DAW1: variants seen among roughly 807,000 people sequenced by gnomAD.
DAW1 encodes dynein assembly factor with WD repeat domains 1.
DAW1 carries 47 observed loss-of-function variants against 56.5 expected under a neutral mutation model. That is an observed-to-expected ratio of 0.83 (90% CI 0.66 to 1.06). DAW1 has a LOEUF of 1.06. DAW1 is among the 50% of genes least tolerant of loss of function. The probability of loss-of-function intolerance (pLI) is 0.00; values close to 1 mark genes in which losing one functional copy is unlikely to be tolerated. For synonymous variants in DAW1, 190 were observed against 179.0 expected, an observed-to-expected ratio of 1.06 and a Z score of -0.49; for missense variants, 505 against 499.3, an observed-to-expected ratio of 1.01 and a Z score of -0.11.
chr2:227,922,945 C>G (rs1721347), intron 12 of DAW1, among the ~76,000 whole-genome samples: 30,118 of 152,124 alleles, frequency 0.2, 3,245 homozygotes, highest in Middle Eastern at 0.32. Context: ...GAAGACCAGC[C>G]TTTCCTAGTC....
intron 3 of DAW1, 22 bp downstream of exon 3, chr2:227,890,022 A>G (rs1431545216): frequency 1.3e-6 from 2 of 1,496,070 alleles, no homozygotes; most frequent in East Asian, 2.5e-5. Context: ...AAAAACAATC[A>G]GATAGAAGAA....
Position 227,871,665 on chromosome 2 carries a change from C to G in DAW1, c.-25C>G, listed in dbSNP as rs1242636195. 1.2e-6 allele frequency: 2 copies of G among 1,611,754 alleles called. No homozygotes were observed. The highest frequency in any genetic ancestry group is 2.2e-5 in the East Asian group (1 of 44,836). Reference sequence around the variant, plus strand: ...CCGTTTCCAAGGCTACGAAGCCCATCGGCCGGGGATAAGAGAGCAAGAAAA... The same window carrying G: ...CCGTTTCCAAGGCTACGAAGCCCATGGGCCGGGGATAAGAGAGCAAGAAAA... On this transcript the variant is annotated 5_prime_UTR_variant, in exon 1 of 13. In the 5' UTR this introduces an upstream ATG that the reference lacks. Transcript: ENST00000309931.
At chr2:227,922,331 G>A (rs866689143) in intron 12 of DAW1, among the ~76,000 whole-genome samples, 10 of 152,140 alleles carry the variant, frequency 6.6e-5, no homozygotes, top group African/African-American at 1.9e-4. Context: ...TTTTTCAACC[G>A]TTAACAGTTT....
Position 227,921,551 on chromosome 2 carries a change from A to C in DAW1, c.1203A>C (p.Ile401=), listed in dbSNP as rs1233226733. Residue 401 remains isoleucine (I), a synonymous_variant, in exon 12 of 13, where the codon ATA becomes ATC. Transcript: ENST00000309931. ...GTGCTTTCAACTATAAAGGCAACATAGTCATTACAGGTATGGAAGACATCA... is the reference window on the plus strand; with the variant it reads ...GTGCTTTCAACTATAAAGGCAACATCGTCATTACAGGTATGGAAGACATCA... ...FSCAFNYKGN[I]VITGSKDNTC... is the part of the protein sequence containing the mutation. 2 of 1,613,722 alleles carry C rather than the reference A, an allele frequency of 1.2e-6. No individual in the cohort carries two copies. The highest frequency in any genetic ancestry group is 1.3e-5 in the African/African-American group (1 of 74,876).
At chr2:227,876,618 G>T (rs937606887) in intron 1 of DAW1, 3 of 670,092 alleles carry the variant, frequency 4.5e-6, no homozygotes, top group African/African-American at 3.8e-5. Context: ...TCTAATTTTC[G>T]CCCTCCCACT....
rs879737040 is a variant in DAW1 at position 227,887,286 on chromosome 2, A to C, written c.113+1863A>C. On this transcript the variant is annotated intron_variant, in intron 2 of 12. Transcript: ENST00000309931. ...CAGAAAAGATGAGGCCTAATATCAA[A>C]CCCAACCTGTGATTTTTGTAAATGG... is the stretch of plus-strand genomic sequence containing the variant. Among the ~76,000 whole-genome samples, 6 of 152,176 alleles carry C rather than the reference A, an allele frequency of 3.9e-5. 1 individual carries two copies. In the East Asian group the frequency reaches 1.2e-3, roughly 29 times the overall value.
At chr2:227,907,366 C>T in intron 10 of DAW1, 114 bp downstream of exon 10, 1 of 778,588 alleles carries the variant, frequency 1.3e-6, no homozygotes, top group Non-Finnish European at 2.0e-6. Flanking sequence ...GATAAAAAAC[C>T]ATGTCTCATC....
intron 5 of DAW1, among the ~76,000 whole-genome samples, chr2:227,896,344 A>G (rs913390737): frequency 2.0e-5 from 3 of 152,310 alleles, no homozygotes; most frequent in South Asian, 2.1e-4. Context: ...TTAATAGTCT[A>G]CTTAACAAAC....
chr2:227,875,379 A>G (rs574717989), intron 1 of DAW1, among the ~76,000 whole-genome samples: 9 of 152,208 alleles, frequency 5.9e-5, no homozygotes, highest in East Asian at 1.9e-4. Context: ...CAGCCCTCCA[A>G]TGACTTCTCA....
Position 227,906,338 on chromosome 2 carries a change from G to C in DAW1, c.858G>C (p.Lys286Asn). The stretch of plus-strand genomic sequence containing the variant: ...CTGGCTCTATGGACAAAACCTGCAA[G>C]GTGAGCAAAATAAATAAATATCTTT... ...ILTGSMDKTC[K>N]LWDATNGKCV... Residue 286 changes from lysine to asparagine, a missense_variant and splice_region_variant, in exon 9 of 13, where the codon AAG becomes AAC. Coordinates refer to ENST00000309931, the MANE Select transcript of DAW1 (RefSeq NM_178821.3). The C allele has an allele frequency of 6.2e-7, 1 of 1,602,712 alleles. No individual in the cohort carries two copies. Among genetic ancestry groups the C allele is most frequent in the South Asian group, 1.1e-5 (1 of 89,620 alleles).
At chr2:227,905,320 T>G (rs1691652808) in intron 8 of DAW1, among the ~76,000 whole-genome samples, 2 of 152,232 alleles carry the variant, frequency 1.3e-5, no homozygotes, top group South Asian at 4.1e-4. Flanking sequence ...TAATCAGATT[T>G]CAATGGCTTG....
At chr2:227,897,748 T>A (rs16825808) in intron 5 of DAW1, among the ~76,000 whole-genome samples, 30,588 of 152,140 alleles carry the variant, frequency 0.2, 3,129 homozygotes, top group East Asian at 0.33. Context: ...TCTCAAAACC[T>A]TATTAACCAT....
chr2:227,917,178 G>GTCTGTCTGTCTA (rs1213835924), intron 10 of DAW1, among the ~76,000 whole-genome samples: 9 of 133,422 alleles, frequency 6.7e-5, no homozygotes, highest in Non-Finnish European at 9.9e-5. Context: ...CTGTCTGTCT[G>GTCTGTCTGTCTA]TCTATCTATG....
At chr2:227,920,657 T>A (rs111226497) in intron 11 of DAW1, among the ~76,000 whole-genome samples, 36 of 151,898 alleles carry the variant, frequency 2.4e-4, no homozygotes, top group African/African-American at 7.2e-4. Context: ...TTTTAAAAAA[T>A]TTTTATTTAT....
At position 227,922,870 on chromosome 2, in the gene DAW1, T is replaced by A. The variant is rs943991992; in HGVS notation, c.1214-1064T>A. 4.6e-5 allele frequency among the ~76,000 whole-genome samples: 7 copies of A among 152,258 alleles called. No individual in the cohort carries two copies. In the East Asian group the frequency reaches 1.2e-3, roughly 25 times the overall value. On this transcript the variant is annotated intron_variant, in intron 12 of 12. Transcript: ENST00000309931. Reference sequence around the variant, plus strand: ...CACAATATCAAATCCTTCTCCTTGATGAGAAAAGAGGTGAGGGGCTATGAT... The same window carrying A: ...CACAATATCAAATCCTTCTCCTTGAAGAGAAAAGAGGTGAGGGGCTATGAT...
rs537177573 is a variant in DAW1 at position 227,918,615 on chromosome 2, CAGGCATTTAG to C, written c.974-162_974-153del. On this transcript the variant is annotated intron_variant, in intron 10 of 12. Transcript: ENST00000309931. Reference sequence around the variant, plus strand: ...TCACCCTCTCCTGCAATGGGACCAGCAGGCATTTAGAGTATTAAGTATCTGGCTCTCAACA... The same window carrying C: ...TCACCCTCTCCTGCAATGGGACCAGCAGTATTAAGTATCTGGCTCTCAACA... Among the ~76,000 whole-genome samples the C allele has an allele frequency of 1.1e-3, 173 of 152,308 alleles. 1 individual carries two copies. The highest frequency in any genetic ancestry group is 3.8e-3 in the African/African-American group (159 of 41,564).
In DAW1 at chr2:227,912,795, A is replaced by G. The variant is rs577683102; in HGVS notation, c.973+5543A>G. On this transcript the variant is annotated intron_variant, in intron 10 of 12. Coordinates refer to ENST00000309931, the MANE Select transcript of DAW1 (RefSeq NM_178821.3). ...CTGCCATGTGTCTGCAATGATAAAC[A>G]TGATAATTGTGGATTGTGCTCTCAT... Among the ~76,000 whole-genome samples, 7 of 152,296 alleles carry G rather than the reference A, an allele frequency of 4.6e-5. No homozygotes were observed. The South Asian group carries it at 1.0e-3, about 23-fold the overall frequency.
intron 11 of DAW1, among the ~76,000 whole-genome samples, chr2:227,920,389 T>C (rs1042521602): frequency 1.3e-5 from 2 of 152,006 alleles, no homozygotes; most frequent in African/African-American, 4.8e-5. Context: ...AAACCTTCAG[T>C]CATTGAGGAG....
chr2:227,923,754 A>C (rs1285980648), intron 12 of DAW1, among the ~76,000 whole-genome samples, 180 bp from the exon 13 acceptor site: 1 of 152,128 alleles, frequency 6.6e-6, no homozygotes, highest in African/African-American at 2.4e-5. Flanking sequence ...TGAAAAAAAA[A>C]AAAATCACTA....
Sources: allele counts gnomAD v4.1 joint callset (sites outside exome capture counted in the v4.1 genomes callset), GRCh38; gene constraint gnomAD v4.1.1; transcripts MANE v1.5; gene names NCBI Gene and HGNC (gene_info 2026-07-23, HGNC 2026-07-21).